ST6GAL2: variants seen among roughly 807,000 people sequenced by gnomAD.
ST6GAL2 encodes beta-galactoside alpha-2,6-sialyltransferase 2.
In ST6GAL2, 24 loss-of-function variants were observed where a neutral mutation model predicts 37.5. The ratio of observed to expected loss-of-function variants is 0.64; its 90% confidence interval spans 0.46 to 0.90. ST6GAL2 has a LOEUF of 0.90. Ranked by LOEUF, ST6GAL2 falls within the 40% of genes least tolerant of loss-of-function variation. The probability of loss-of-function intolerance (pLI) is 0.00; values close to 1 mark genes in which losing one functional copy is unlikely to be tolerated. For missense variants in ST6GAL2, 715 were observed against 712.7 expected, an observed-to-expected ratio of 1.00 and a Z score of -0.04; for synonymous variants, 306 against 295.1, an observed-to-expected ratio of 1.04 and a Z score of -0.38.
At chr2:106,836,412 C>T (rs6712075) in intron 2 of ST6GAL2, among the ~76,000 whole-genome samples, 10,229 of 152,104 alleles carry the variant, frequency 0.067, 889 homozygotes, top group African/African-American at 0.21. Flanking sequence ...GGGTTGGTTA[C>T]AATTTGGAAT....
At chr2:106,815,637 AT>A (rs1675772941) in intron 5 of ST6GAL2, among the ~76,000 whole-genome samples, 1 of 152,242 alleles carries the variant, frequency 6.6e-6, no homozygotes, top group Non-Finnish European at 1.5e-5. Context: ...AACATTAGTT[AT>A]TGTGTTTAGG....
At chr2:106,846,167 T>A (rs1220965495) in intron 1 of ST6GAL2, among the ~76,000 whole-genome samples, 1 of 152,186 alleles carries the variant, frequency 6.6e-6, no homozygotes, top group East Asian at 1.9e-4. Flanking sequence ...TGCAACCCCA[T>A]GGAAGACCGG....
At chr2:106,874,903 A>G (rs1048164480) in intron 1 of ST6GAL2, among the ~76,000 whole-genome samples, 1 of 152,222 alleles carries the variant, frequency 6.6e-6, no homozygotes, top group Non-Finnish European at 1.5e-5. Context: ...CAGGAAACAG[A>G]CACCAAATCA....
In ST6GAL2 at chr2:106,845,541, CA is replaced by C. The variant is rs374518438; in HGVS notation, c.-57-1508del. Among the ~76,000 whole-genome samples, 43 of 152,182 alleles carry C rather than the reference CA, an allele frequency of 2.8e-4. No homozygotes were observed. In the East Asian group the frequency reaches 7.9e-3, roughly 28 times the overall value. On this transcript the variant is annotated intron_variant, in intron 1 of 5. Transcript: ENST00000409382. ...TTCCCCAGTACAGGCTGACCAATGC[CA>C]AAACACAAAGGCATGTAGGGCATGG...
In ST6GAL2 at chr2:106,804,937, C is replaced by G. The variant is rs1675371031; in HGVS notation, c.*1741G>C. The G allele has an allele frequency of 6.6e-6, 1 of 151,696 alleles. No individual in the cohort carries two copies. Among genetic ancestry groups the G allele is most frequent in the South Asian group, 2.1e-4 (1 of 4,814 alleles). The allele number at this position is 151,696 out of a possible 1,614,324, so 9.4% of individuals were successfully genotyped here. Reference sequence around the variant, plus strand: ...TAAGTTAATATATAGGACAAAGTTACCTATCCCTTCTCATTGACTTAATAA... The same window carrying G: ...TAAGTTAATATATAGGACAAAGTTAGCTATCCCTTCTCATTGACTTAATAA... On this transcript the variant is annotated 3_prime_UTR_variant, in exon 6 of 6. Transcript: ENST00000409382.
In ST6GAL2 at chr2:106,831,051, C is replaced by A. The variant is rs147623721; in HGVS notation, c.1144-811G>T. Reference sequence around the variant, plus strand: ...GGAGAGAGTAGGGAGAAGTTCAACTCATCAAACTCCCTTTAAACAGACATC... The same window carrying A: ...GGAGAGAGTAGGGAGAAGTTCAACTAATCAAACTCCCTTTAAACAGACATC... On this transcript the variant is annotated intron_variant, in intron 4 of 5. Transcript: ENST00000409382. Among the ~76,000 whole-genome samples the A allele has an allele frequency of 1.7e-3, 263 of 152,292 alleles. 3 individuals are homozygous for A. Among genetic ancestry groups the A allele is most frequent in the African/African-American group, 6.1e-3 (253 of 41,552 alleles).
chr2:106,813,223 G>T, intron 5 of ST6GAL2: 1 of 1,351,356 alleles, frequency 7.4e-7, no homozygotes. Flanking sequence ...TTACAAATGA[G>T]CCTATATGAG....
In ST6GAL2 at chr2:106,872,269, A is replaced by G. The variant is rs1573314815; in HGVS notation, c.-58+13824T>C. On this transcript the variant is annotated intron_variant, in intron 1 of 5. Transcript: ENST00000409382. Reference sequence around the variant, plus strand: ...AGGAACCAACTTAGGTTCCTAATAGAAGATCAAGTTTTCTTCTTTGCCTGG... The same window carrying G: ...AGGAACCAACTTAGGTTCCTAATAGGAGATCAAGTTTTCTTCTTTGCCTGG... Among the ~76,000 whole-genome samples the G allele has an allele frequency of 2.6e-5, 4 of 152,338 alleles. No individual in the cohort carries two copies. The South Asian group carries it at 8.3e-4, about 32-fold the overall frequency.
rs1451454494 is a variant in ST6GAL2 at position 106,805,564 on chromosome 2, A to T, written c.*1114T>A. On this transcript the variant is annotated 3_prime_UTR_variant, in exon 6 of 6. Coordinates refer to ENST00000409382, the MANE Select transcript of ST6GAL2 (RefSeq NM_001142351.2). ...TTGTCATGCTGCTGACATAAAACAT[A>T]TCTGCAAAAGCAAGGACTGGATTCC... The T allele has an allele frequency of 1.3e-5, 2 of 152,226 alleles. No homozygotes were observed. The highest frequency in any genetic ancestry group is 2.9e-5 in the Non-Finnish European group (2 of 68,044). 9.4% of individuals were successfully genotyped at this position (152,226 alleles called of 1,614,324 possible). A position where few individuals can be genotyped will look rare whatever the true frequency, so the allele number is the denominator to read the frequency against.
chr2:106,823,506 T>TAG (rs1676089050), intron 5 of ST6GAL2, among the ~76,000 whole-genome samples: 2 of 50,474 alleles, frequency 4.0e-5, no homozygotes, highest in Non-Finnish European at 5.3e-5. Context: ...GAGAGAGAGA[T>TAG]CGAGAGAGAG....
In ST6GAL2 at chr2:106,802,873, T is replaced by C. The variant is rs1258282382; in HGVS notation, c.*3805A>G. 2.0e-5 allele frequency: 3 copies of C among 152,218 alleles called. No individual in the cohort carries two copies. Among genetic ancestry groups the C allele is most frequent in the East Asian group, 3.9e-4 (2 of 5,194 alleles). The allele number at this position is 152,218 out of a possible 1,614,324, so 9.4% of individuals were successfully genotyped here. A position where few individuals can be genotyped will look rare whatever the true frequency, so the allele number is the denominator to read the frequency against. ...ACAGCTAAGCAGAAATTCAACCAAGTAACTGACCACATGTACTGTGTGTTG... is the reference window on the plus strand; with the variant it reads ...ACAGCTAAGCAGAAATTCAACCAAGCAACTGACCACATGTACTGTGTGTTG... On this transcript the variant is annotated 3_prime_UTR_variant, in exon 6 of 6. Coordinates refer to ENST00000409382, the MANE Select transcript of ST6GAL2 (RefSeq NM_001142351.2).
At position 106,844,011 on chromosome 2, in the gene ST6GAL2, A is replaced by G; in HGVS notation, c.-34T>C. ...TCTGCGGTCAGCACCTTGTGTCTTA[A>G]TGCAGATGGGTGGCAGAATGAACCT... On this transcript the variant is annotated 5_prime_UTR_variant, in exon 2 of 6. Coordinates refer to ENST00000409382, the MANE Select transcript of ST6GAL2 (RefSeq NM_001142351.2). 1.3e-6 allele frequency: 2 copies of G among 1,513,064 alleles called. No homozygotes were observed. Among genetic ancestry groups the G allele is most frequent in the South Asian group, 2.5e-5 (2 of 79,536 alleles). The allele number at this position is 1,513,064 out of a possible 1,614,324, so 93.7% of individuals were successfully genotyped here.
intron 2 of ST6GAL2, among the ~76,000 whole-genome samples, chr2:106,839,632 T>C (rs910322851): frequency 6.6e-6 from 1 of 152,152 alleles, no homozygotes; most frequent in Non-Finnish European, 1.5e-5. Context: ...CACCAGTCTA[T>C]GCATCCCACC....
chr2:106,869,968 C>T (rs1364838728), intron 1 of ST6GAL2, among the ~76,000 whole-genome samples: 1 of 152,216 alleles, frequency 6.6e-6, no homozygotes, highest in Non-Finnish European at 1.5e-5. Context: ...AGCCACTGCG[C>T]TGTGCCACTT....
chr2:106,856,191 T>TGA (rs746466225), intron 1 of ST6GAL2, among the ~76,000 whole-genome samples: 2 of 152,246 alleles, frequency 1.3e-5, no homozygotes, highest in Non-Finnish European at 2.9e-5. Context: ...ATCCCAGCTC[T>TGA]GCTGTGTGCC....
rs1677934450 is a variant in ST6GAL2, at chr2:106,864,319, T to C, written c.-57-20285A>G. On this transcript the variant is annotated intron_variant, in intron 1 of 5. Transcript: ENST00000409382. ...CTCCTGCTCTGATGGCCCTTGGTCT[T>C]CTCCCCTGTTCCTGCAACACTTCAT... Among the ~76,000 whole-genome samples the C allele has an allele frequency of 4.6e-5, 7 of 152,318 alleles. No individual in the cohort carries two copies. The South Asian group carries it at 1.5e-3, about 32-fold the overall frequency.
At chr2:106,838,742 A>G (rs143016809) in intron 2 of ST6GAL2, among the ~76,000 whole-genome samples, 1 of 152,284 alleles carries the variant, frequency 6.6e-6, no homozygotes, top group African/African-American at 2.4e-5. Context: ...TTAGCACATA[A>G]AAAGCACTTT....
At chr2:106,878,073 T>C (rs1678582026) in intron 1 of ST6GAL2, among the ~76,000 whole-genome samples, 1 of 152,226 alleles carries the variant, frequency 6.6e-6, no homozygotes, top group Non-Finnish European at 1.5e-5. Context: ...GTTAACCCTC[T>C]GCATCCGCAG....
chr2:106,843,204 G>A lies in ST6GAL2; in HGVS notation c.774C>T (p.Arg258=). The A allele has an allele frequency of 6.4e-7, 1 of 1,551,942 alleles. No homozygotes were observed. Among genetic ancestry groups the A allele is most frequent in the African/African-American group, 1.4e-5 (1 of 73,498 alleles). Residue 258 remains arginine (R), a synonymous_variant, in exon 2 of 6, where the codon CGC becomes CGT. Transcript: ENST00000409382. ...RAQLLCQLRS[R]ARVRTLDGTE... ...TGCCGTCCAGCGTCCGCACGCGCGC[G>A]CGGCTCCGCAGCTGGCACAGCAGCT...
Sources: allele counts gnomAD v4.1 joint callset (sites outside exome capture counted in the v4.1 genomes callset), GRCh38; gene constraint gnomAD v4.1.1; transcripts MANE v1.5; gene names NCBI Gene and HGNC (gene_info 2026-07-23, HGNC 2026-07-21).